RTN1: variants seen among roughly 807,000 people sequenced by gnomAD.
The protein encoded by RTN1 is reticulon 1, also known as reticulon-1.
In RTN1, 25 loss-of-function variants were observed where a neutral mutation model predicts 65.5. The ratio of observed to expected loss-of-function variants is 0.38; its 90% CI spans 0.28 to 0.53. The LOEUF (loss-of-function observed/expected upper bound fraction) is 0.53, where lower values mean the gene tolerates loss of function less well. RTN1 is among the 20% of genes least tolerant of loss of function. The probability of loss-of-function intolerance (pLI) is 0.79; values close to 1 mark genes in which losing one functional copy is unlikely to be tolerated. For missense variants in RTN1, 983 were observed against 1,025.4 expected, an observed-to-expected ratio of 0.96 and a Z score of 0.57; for synonymous variants, 471 against 447.6, an observed-to-expected ratio of 1.05 and a Z score of -0.66.
intron 1 of RTN1, among the ~76,000 whole-genome samples, chr14:59,808,069 T>C (rs777475461): frequency 1.3e-5 from 2 of 152,226 alleles, no homozygotes; most frequent in Non-Finnish European, 2.9e-5. Context: ...TGTAAATGAT[T>C]AGGAAAGACC....
intron 3 of RTN1, among the ~76,000 whole-genome samples, chr14:59,636,616 TATTA>T (rs1276795768): frequency 1.3e-5 from 2 of 152,230 alleles, no homozygotes; most frequent in African/African-American, 4.8e-5. Context: ...TAAATTTACT[TATTA>T]ATTCCGTTTG....
intron 3 of RTN1, among the ~76,000 whole-genome samples, chr14:59,641,137 G>A (rs1370840821): frequency 1.3e-5 from 2 of 151,730 alleles, no homozygotes; most frequent in East Asian, 1.9e-4. Flanking sequence ...TTTTTTGGGG[G>A]GGGTATTTTT....
intron 3 of RTN1, among the ~76,000 whole-genome samples, chr14:59,664,358 C>A (rs1228267417): frequency 6.6e-6 from 1 of 152,050 alleles, no homozygotes. Flanking sequence ...AGGAGAAATA[C>A]CTAATGTAGA....
chr14:59,729,243 T>G (rs1198527898), intron 2 of RTN1, among the ~76,000 whole-genome samples: 2 of 152,140 alleles, frequency 1.3e-5, no homozygotes, highest in Admixed American at 6.5e-5. Context: ...CTGGGCAAAG[T>G]GAATAAGTTG....
intron 3 of RTN1, among the ~76,000 whole-genome samples, chr14:59,628,784 G>A (rs2140182913): frequency 6.6e-6 from 1 of 152,162 alleles, no homozygotes; most frequent in East Asian, 1.9e-4. Context: ...CATAAACTGA[G>A]GCAACCGAGT....
rs368706148 is a variant in RTN1 at position 59,749,278 on chromosome 14, C to CTA, written c.242-2799_242-2798dup. 3.1e-4 allele frequency among the ~76,000 whole-genome samples: 5 copies of CTA among 16,350 alleles called. 1 individual carries two copies. The highest frequency in any genetic ancestry group is 5.1e-4 in the Non-Finnish European group (5 of 9,866). The allele number at this position is 16,350 out of a possible 152,430, so 10.7% of individuals were successfully genotyped here. ...TATCTATATATATCTATATATATAT[C>CTA]TATATATATCTATATATATCTATAT... On this transcript the variant is annotated intron_variant, in intron 1 of 8. Transcript: ENST00000267484.
chr14:59,630,672 C>T, intron 3 of RTN1: 3 of 1,195,310 alleles, frequency 2.5e-6, no homozygotes, highest in Non-Finnish European at 3.1e-6. Context: ...GTCGCTGGCG[C>T]CGCAGTCTGC....
At chr14:59,852,642 G>C (rs1887529709) in intron 1 of RTN1, among the ~76,000 whole-genome samples, 1 of 152,188 alleles carries the variant, frequency 6.6e-6, no homozygotes, top group Admixed American at 6.5e-5. Flanking sequence ...CTCAGAGGCT[G>C]AGATTAGCTA....
chr14:59,687,470 A>T (rs1594678735), intron 3 of RTN1, among the ~76,000 whole-genome samples: 1 of 152,114 alleles, frequency 6.6e-6, no homozygotes, highest in South Asian at 2.1e-4. Flanking sequence ...AGGCATTCAG[A>T]GCACCTGCTC....
At chr14:59,642,353 C>A (rs1882798669) in intron 3 of RTN1, among the ~76,000 whole-genome samples, 1 of 152,038 alleles carries the variant, frequency 6.6e-6, no homozygotes, top group African/African-American at 2.4e-5. Context: ...GGATTGATGC[C>A]TTTTATCAAT....
intron 1 of RTN1, among the ~76,000 whole-genome samples, chr14:59,861,673 C>A (rs894111217): frequency 6.6e-6 from 1 of 152,268 alleles, no homozygotes; most frequent in East Asian, 1.9e-4. Flanking sequence ...CATTTTCTTT[C>A]ATTCAGAAGA....
intron 3 of RTN1, among the ~76,000 whole-genome samples, chr14:59,721,509 T>A (rs981676899): frequency 4.6e-5 from 7 of 152,320 alleles, no homozygotes; most frequent in African/African-American, 1.7e-4. Flanking sequence ...AAAGTGCAGA[T>A]GTATGCCCCA....
chr14:59,692,837 A>T (rs1883989209), intron 3 of RTN1, among the ~76,000 whole-genome samples: 3 of 152,188 alleles, frequency 2.0e-5, no homozygotes, highest in Admixed American at 2.0e-4. Context: ...AAAGGCAAAA[A>T]TAAGCAATGG....
At chr14:59,615,851 C>A (rs952303930) in intron 3 of RTN1, among the ~76,000 whole-genome samples, 2 of 152,142 alleles carry the variant, frequency 1.3e-5, no homozygotes, top group Non-Finnish European at 2.9e-5. Flanking sequence ...ATCTTCATTG[C>A]ATCTTGTTTG....
chr14:59,851,483 C>T (rs939966293), intron 1 of RTN1, among the ~76,000 whole-genome samples: 1 of 152,168 alleles, frequency 6.6e-6, no homozygotes, highest in African/African-American at 2.4e-5. Flanking sequence ...CAGGGGATGT[C>T]TGGGGCTTAT....
At chr14:59,623,922 T>C (rs187408432) in intron 3 of RTN1, among the ~76,000 whole-genome samples, 5 of 152,228 alleles carry the variant, frequency 3.3e-5, no homozygotes, top group Non-Finnish European at 7.3e-5. Context: ...AATTTGAAAT[T>C]TGCCAATCTG....
At chr14:59,634,172 G>A (rs539536504) in intron 3 of RTN1, among the ~76,000 whole-genome samples, 7 of 152,270 alleles carry the variant, frequency 4.6e-5, no homozygotes, top group Admixed American at 1.3e-4. Flanking sequence ...GCAAAGGCCC[G>A]GAGCAGACAC....
Position 59,727,726 on chromosome 14 carries a change from G to T in RTN1, c.1016-58C>A. 1 of 1,510,218 alleles carries T rather than the reference G, an allele frequency of 6.6e-7. No individual in the cohort carries two copies. The allele number at this position is 1,510,218 out of a possible 1,614,324, so 93.6% of individuals were successfully genotyped here. A position where few individuals can be genotyped will look rare whatever the true frequency, so the allele number is the denominator to read the frequency against. On this transcript the variant is annotated intron_variant, in intron 2 of 8. Transcript: ENST00000267484. The surrounding 1 kb of genome is among the most constrained non-coding windows in gnomAD (Gnocchi z 4.2). ...AGGCACACACACGGACAGACAGATG[G>T]ACAGAGAGAGGAGGGATAAAACAAA...
intron 1 of RTN1, among the ~76,000 whole-genome samples, chr14:59,749,526 T>G: frequency 1.6e-5 from 1 of 61,434 alleles, no homozygotes; most frequent in Non-Finnish European, 2.5e-5. Context: ...TATATATTTA[T>G]ATATATCTAT....
Sources: gnomAD v4.1 joint callset for allele counts (sites outside exome capture counted in the v4.1 genomes callset) on GRCh38, gnomAD v4.1.1 for gene constraint, Gnocchi (gnomAD v3.1) non-coding constraint, MANE v1.5 for transcripts, NCBI Gene and HGNC (gene_info 2026-07-23, HGNC 2026-07-21) for gene names.